The following RORA variants were observed in gnomAD, a reference collection of about 807,000 sequenced individuals.
RORA encodes nuclear receptor ROR-alpha.
Under a neutral mutation model 69.5 loss-of-function variants are expected in RORA, and 7 were observed. That is an observed-to-expected ratio of 0.10 (90% CI 0.06 to 0.19). RORA has a LOEUF of 0.19. Ranked by LOEUF, RORA falls within the 10% of genes least tolerant of loss-of-function variation. RORA has a pLI of 1.00. For synonymous variants in RORA, 261 were observed against 240.8 expected, an observed-to-expected ratio of 1.08 and a Z score of -0.78; for missense variants, 457 against 663.0, an observed-to-expected ratio of 0.69 and a Z score of 3.41.
At chr15:60,753,809 T>G (rs1274903406) in intron 1 of RORA, among the ~76,000 whole-genome samples, 2 of 152,260 alleles carry the variant, frequency 1.3e-5, no homozygotes, top group East Asian at 3.8e-4. Flanking sequence ...CACAAATGCA[T>G]GAATTTCTAT....
intron 1 of RORA, among the ~76,000 whole-genome samples, chr15:61,110,137 G>A (rs2078990109): frequency 6.6e-6 from 1 of 152,056 alleles, no homozygotes; most frequent in African/African-American, 2.4e-5. Context: ...GGTGGCTCAC[G>A]CCTGTAATCC....
At chr15:61,130,756 T>A (rs1020664675) in intron 1 of RORA, among the ~76,000 whole-genome samples, 1 of 152,208 alleles carries the variant, frequency 6.6e-6, no homozygotes, top group Non-Finnish European at 1.5e-5. Flanking sequence ...ATTACTACTA[T>A]TAAAATCCAC....
rs555513795 is a variant in RORA, at chr15:61,200,409, C to T, written c.166+28644G>A. 2.1e-4 allele frequency among the ~76,000 whole-genome samples: 32 copies of T among 152,226 alleles called. No individual in the cohort carries two copies. In the East Asian group the frequency reaches 2.7e-3, roughly 13 times the overall value. ...CCCAAATAAAAGGGCAATAAATTAA[C>T]TTTCTGGAACATAGAGTCACCGCAG... On this transcript the variant is annotated intron_variant, in intron 1 of 10. Coordinates refer to ENST00000335670, the MANE Select transcript of RORA (RefSeq NM_134261.3).
At chr15:61,186,822 C>T (rs1228751763) in intron 1 of RORA, among the ~76,000 whole-genome samples, 1 of 152,162 alleles carries the variant, frequency 6.6e-6, no homozygotes, top group Non-Finnish European at 1.5e-5. Flanking sequence ...TGGTGAGCTC[C>T]AGTGCCCTGC....
intron 1 of RORA, among the ~76,000 whole-genome samples, chr15:60,899,997 G>A (rs771499148): frequency 1.8e-4 from 27 of 152,290 alleles, no homozygotes; most frequent in Middle Eastern, 3.4e-3. Context: ...TATTTTAGTT[G>A]TTCCTAAAAA....
At chr15:60,938,074 A>T (rs1892579291) in intron 1 of RORA, among the ~76,000 whole-genome samples, 1 of 152,174 alleles carries the variant, frequency 6.6e-6, no homozygotes, top group Admixed American at 6.5e-5. Flanking sequence ...GGTTCAAGAT[A>T]GGTTTTTCCA....
At chr15:61,074,321 A>G (rs1025016824) in intron 1 of RORA, among the ~76,000 whole-genome samples, 2 of 152,234 alleles carry the variant, frequency 1.3e-5, no homozygotes, top group African/African-American at 4.8e-5. Context: ...AAGCCATTTG[A>G]GAACCCATAA....
chr15:60,949,944 A>G (rs1893031148), intron 1 of RORA, among the ~76,000 whole-genome samples: 1 of 152,204 alleles, frequency 6.6e-6, no homozygotes, highest in African/African-American at 2.4e-5. Flanking sequence ...GAGTCACTGG[A>G]CATACTCAAA....
intron 1 of RORA, among the ~76,000 whole-genome samples, chr15:61,049,709 G>T (rs955015908): frequency 6.6e-6 from 1 of 151,984 alleles, no homozygotes; most frequent in Non-Finnish European, 1.5e-5. Flanking sequence ...GCCTAGGCTG[G>T]AGTGCAATGG....
rs1346785764 is a variant in RORA at position 60,492,939 on chromosome 15, A to G, written c.*4516T>C. ...ATTATTATTAATAATAAAAAACACA[A>G]TTTGTCCCAGTAGTACTGGCCACCC... On this transcript the variant is annotated 3_prime_UTR_variant, in exon 11 of 11. Transcript: ENST00000335670. The G allele has an allele frequency of 6.6e-6, 1 of 152,048 alleles. No individual in the cohort carries two copies. The highest frequency in any genetic ancestry group is 1.5e-5 in the Non-Finnish European group (1 of 67,994). The allele number at this position is 152,048 out of a possible 1,614,324, so 9.4% of individuals were successfully genotyped here.
chr15:60,882,546 C>A (rs966447308), intron 1 of RORA, among the ~76,000 whole-genome samples: 1 of 151,744 alleles, frequency 6.6e-6, no homozygotes, highest in African/African-American at 2.4e-5. Flanking sequence ...GGTGGTAGAG[C>A]TACATGCGGC....
At chr15:60,542,471 G>A (rs1309764333) in intron 2 of RORA, among the ~76,000 whole-genome samples, 1 of 139,930 alleles carries the variant, frequency 7.1e-6, no homozygotes, top group African/African-American at 2.9e-5. Context: ...TCACACACAC[G>A]GCACACAGGC....
intron 2 of RORA, among the ~76,000 whole-genome samples, chr15:60,544,134 C>G (rs2066993749): frequency 6.6e-6 from 1 of 152,146 alleles, no homozygotes; most frequent in South Asian, 2.1e-4. Context: ...CTTTGTGACC[C>G]TCTTTCTCCA....
chr15:60,695,816 T>TCCC (rs1381577555), intron 1 of RORA, among the ~76,000 whole-genome samples: 19 of 151,988 alleles, frequency 1.3e-4, no homozygotes, highest in Non-Finnish European at 2.4e-4. Context: ...AGGAAGCAAG[T>TCCC]AAACTTTCAG....
At chr15:61,093,076 G>C (rs891775439) in intron 1 of RORA, among the ~76,000 whole-genome samples, 1 of 152,068 alleles carries the variant, frequency 6.6e-6, no homozygotes, top group African/African-American at 2.4e-5. Flanking sequence ...TCGTTCTCCT[G>C]GACTTCTGAA....
intron 3 of RORA, among the ~76,000 whole-genome samples, chr15:60,526,811 A>G (rs2066373074): frequency 6.6e-6 from 1 of 152,250 alleles, no homozygotes; most frequent in Admixed American, 6.5e-5. Context: ...TAATATTAGA[A>G]TCCTCTAAAA....
At chr15:60,947,391 C>T (rs1595838058) in intron 1 of RORA, among the ~76,000 whole-genome samples, 1 of 152,036 alleles carries the variant, frequency 6.6e-6, no homozygotes, top group African/African-American at 2.4e-5. Flanking sequence ...TTTGACCTTA[C>T]CCCCAACCCG....
At chr15:60,810,452 T>TG (rs2072726599) in intron 1 of RORA, among the ~76,000 whole-genome samples, 20 of 130,516 alleles carry the variant, frequency 1.5e-4, no homozygotes, top group Non-Finnish European at 2.9e-4. Flanking sequence ...ACCTCACCCC[T>TG]TACACTGGGC....
At chr15:60,948,067 TG>T (rs1892953870) in intron 1 of RORA, among the ~76,000 whole-genome samples, 1 of 152,186 alleles carries the variant, frequency 6.6e-6, no homozygotes, top group Admixed American at 6.5e-5. Context: ...AAGATGTTAC[TG>T]AGAGCCACAG....
Sources: gnomAD v4.1 joint callset for allele counts (sites outside exome capture counted in the v4.1 genomes callset) on GRCh38, gnomAD v4.1.1 for gene constraint, MANE v1.5 for transcripts, NCBI Gene and HGNC (gene_info 2026-07-23, HGNC 2026-07-21) for gene names.